DOCK1: variants seen among roughly 807,000 people sequenced by gnomAD.
DOCK1 encodes the protein dedicator of cytokinesis 1, also known as dedicator of cytokinesis protein 1.
In DOCK1, 138 loss-of-function variants were observed where a neutral mutation model predicts 262.7. That is an observed-to-expected ratio of 0.53 (90% confidence interval 0.46 to 0.61). DOCK1 has a LOEUF of 0.61. DOCK1 is among the 20% of genes least tolerant of loss of function. The pLI, the probability that DOCK1 is intolerant of heterozygous loss-of-function variation, is 0.00. For missense variants in DOCK1, 1,908 were observed against 2,370.7 expected, an observed-to-expected ratio of 0.80 and a Z score of 4.05; for synonymous variants, 866 against 867.4, an observed-to-expected ratio of 1.00 and a Z score of 0.03.
intron 23 of DOCK1, among the ~76,000 whole-genome samples, chr10:127,062,451 G>A (rs1422961242): frequency 1.3e-5 from 2 of 152,026 alleles, no homozygotes; most frequent in East Asian, 1.9e-4. Flanking sequence ...ATTGTTGACC[G>A]TCTTCACTCT....
At chr10:127,427,393 C>G (rs148901176) in intron 47 of DOCK1, among the ~76,000 whole-genome samples, 2 of 152,252 alleles carry the variant, frequency 1.3e-5, no homozygotes, top group African/African-American at 2.4e-5. Context: ...TCTATTGAAC[C>G]CTGTTTTCTT....
intron 29 of DOCK1, among the ~76,000 whole-genome samples, chr10:127,332,526 T>G (rs1165090330): frequency 6.6e-6 from 1 of 152,108 alleles, no homozygotes; most frequent in African/African-American, 2.4e-5. Context: ...CAAGCAAATA[T>G]GCAGACTCCA....
At chr10:127,336,756 G>C (rs1315480842) in intron 29 of DOCK1, among the ~76,000 whole-genome samples, 2 of 152,050 alleles carry the variant, frequency 1.3e-5, no homozygotes, top group African/African-American at 2.4e-5. Context: ...AGCCAGGATG[G>C]TCTCAATCTC....
At chr10:126,980,559 T>TA (rs1249052708) in intron 3 of DOCK1, among the ~76,000 whole-genome samples, 1 of 152,182 alleles carries the variant, frequency 6.6e-6, no homozygotes, top group Non-Finnish European at 1.5e-5. Context: ...CTCTCTGTGA[T>TA]AATTCTTCTT....
At chr10:127,210,760 C>T (rs1198665321) in intron 27 of DOCK1, among the ~76,000 whole-genome samples, 1 of 152,164 alleles carries the variant, frequency 6.6e-6, no homozygotes. Context: ...GAGGGTTCCT[C>T]AGCCTCATGA....
rs1184872597 is a variant in DOCK1, at chr10:127,012,959, G to A, written c.1201+585G>A. Reference sequence around the variant, plus strand: ...ACTGAGGCCCCGCCTCCAGCCCAAGGGGAAGTCACCTTCAGAACTTGACCG... The same window carrying A: ...ACTGAGGCCCCGCCTCCAGCCCAAGAGGAAGTCACCTTCAGAACTTGACCG... On this transcript the variant is annotated intron_variant, in intron 12 of 51. Transcript: ENST00000623213. This position sits in a 1 kb window ranked among gnomAD's most constrained non-coding sequence, Gnocchi z 4.0. Among the ~76,000 whole-genome samples the A allele has an allele frequency of 6.6e-6, 1 of 152,158 alleles. No homozygotes were observed. The highest frequency in any genetic ancestry group is 1.5e-5 in the Non-Finnish European group (1 of 68,030).
intron 27 of DOCK1, among the ~76,000 whole-genome samples, chr10:127,230,712 T>A (rs1482790228): frequency 6.6e-6 from 1 of 152,200 alleles, no homozygotes; most frequent in African/African-American, 2.4e-5. Flanking sequence ...TGCCTCCATC[T>A]TTGTTATTTT....
intron 23 of DOCK1, among the ~76,000 whole-genome samples, chr10:127,070,080 C>G (rs181020834): frequency 6.6e-6 from 1 of 151,938 alleles, no homozygotes; most frequent in African/African-American, 2.4e-5. Flanking sequence ...CCCGTCTTCA[C>G]GCAGCACTCT....
At chr10:127,301,177 T>C (rs2061666717) in intron 29 of DOCK1, among the ~76,000 whole-genome samples, 1 of 152,096 alleles carries the variant, frequency 6.6e-6, no homozygotes, top group South Asian at 2.1e-4. Flanking sequence ...AGGCATCGAG[T>C]CTCAGTTTCA....
At chr10:126,927,292 G>A (rs61875487) in intron 1 of DOCK1, among the ~76,000 whole-genome samples, 46,380 of 152,010 alleles carry the variant, frequency 0.31, 7,311 homozygotes, top group Middle Eastern at 0.49. Flanking sequence ...CTGGAGGTGA[G>A]CAGGAGAGAA....
intron 27 of DOCK1, among the ~76,000 whole-genome samples, chr10:127,194,653 G>A (rs2056974380): frequency 6.6e-6 from 1 of 152,182 alleles, no homozygotes; most frequent in South Asian, 2.1e-4. Flanking sequence ...AGCCAGCGCA[G>A]TCACTCTGAC....
intron 23 of DOCK1, among the ~76,000 whole-genome samples, chr10:127,076,203 T>C (rs2046526083): frequency 6.6e-6 from 1 of 152,064 alleles, no homozygotes; most frequent in Admixed American, 6.6e-5. Flanking sequence ...TCAGCAAAGA[T>C]CCATTAAGAA....
intron 28 of DOCK1, among the ~76,000 whole-genome samples, chr10:127,252,518 A>G (rs1471585576): frequency 2.1e-5 from 3 of 140,922 alleles, no homozygotes; most frequent in African/African-American, 7.5e-5. Flanking sequence ...TTATGGTTTT[A>G]GGTCTAATGT....
At chr10:126,911,452 A>G (rs567951276) in intron 1 of DOCK1, among the ~76,000 whole-genome samples, 7 of 152,304 alleles carry the variant, frequency 4.6e-5, no homozygotes, top group Admixed American at 3.9e-4. Context: ...CATGGAGTGG[A>G]AGGCTGACCG....
chr10:126,908,109 A>T (rs1591273509), intron 1 of DOCK1, among the ~76,000 whole-genome samples: 1 of 152,118 alleles, frequency 6.6e-6, no homozygotes, highest in Admixed American at 6.5e-5. Context: ...GAGGCACTTT[A>T]ACCAGAGTCC....
At chr10:127,081,234 A>G (rs2046881797) in intron 23 of DOCK1, among the ~76,000 whole-genome samples, 1 of 152,016 alleles carries the variant, frequency 6.6e-6, no homozygotes, top group Non-Finnish European at 1.5e-5. Context: ...GGAACATTCC[A>G]TACCTGGTGC....
intron 29 of DOCK1, among the ~76,000 whole-genome samples, chr10:127,259,788 GAT>G (rs1491156854): frequency 2.8e-5 from 2 of 72,194 alleles, no homozygotes; most frequent in Admixed American, 2.1e-4. Context: ...CTTAGTTCAT[GAT>G]TTTTTTTTTT....
At chr10:127,384,043 GA>G (rs1202154518) in intron 37 of DOCK1, among the ~76,000 whole-genome samples, 1 of 152,162 alleles carries the variant, frequency 6.6e-6, no homozygotes, top group Non-Finnish European at 1.5e-5. Context: ...ACCATCCTGG[GA>G]GTCAGGCATC....
In DOCK1 at chr10:127,175,837, G is replaced by C; in HGVS notation, c.2847+48073G>C. The C allele has an allele frequency of 6.2e-7, 1 of 1,614,130 alleles. No homozygotes were observed. On this transcript the variant is annotated intron_variant, in intron 27 of 51. Coordinates refer to ENST00000623213, the MANE Select transcript of DOCK1 (RefSeq NM_001290223.2). The surrounding 1 kb of genome is among the most constrained non-coding windows in gnomAD (Gnocchi z 6.3). ...GGCTCTGTGCAGTTGACCCCCAAAG[G>C]CTGGTCCACTGTGTTCATGTGTTGG...
Sources: allele counts gnomAD v4.1 joint callset (sites outside exome capture counted in the v4.1 genomes callset), GRCh38; gene constraint gnomAD v4.1.1; non-coding constraint Gnocchi (gnomAD v3.1); transcripts MANE v1.5; gene names NCBI Gene and HGNC (gene_info 2026-07-23, HGNC 2026-07-21).